ERGIC2: variants seen among roughly 807,000 people sequenced by gnomAD.
ERGIC2 encodes endoplasmic reticulum-Golgi intermediate compartment protein 2.
In ERGIC2, 31 loss-of-function variants were observed where a neutral mutation model predicts 52.5. The ratio of observed to expected loss-of-function variants is 0.59; its 90% confidence interval spans 0.44 to 0.80. The LOEUF is 0.80. ERGIC2 is among the 30% of genes least tolerant of loss of function. The pLI, the probability that ERGIC2 is intolerant of heterozygous loss-of-function variation, is 0.00. For missense variants in ERGIC2, 395 were observed against 455.2 expected, an observed-to-expected ratio of 0.87 and a Z score of 1.20; for synonymous variants, 129 against 140.6, an observed-to-expected ratio of 0.92 and a Z score of 0.58.
Position 29,341,819 on chromosome 12 carries a change from G to A in ERGIC2, c.989-3C>T. ...TTTTCCAATTCCATGTAACATGCCT[G>A]TAATAAACAATAAGTTTATGCTTTT... On this transcript the variant is annotated splice_region_variant and splice_polypyrimidine_tract_variant and intron_variant, in intron 12 of 13. Transcript: ENST00000360150. 7.0e-7 allele frequency: 1 copy of A among 1,431,758 alleles called. No individual in the cohort carries two copies. Among genetic ancestry groups the A allele is most frequent in the Non-Finnish European group, 9.9e-7 (1 of 1,014,826 alleles). 88.7% of individuals were successfully genotyped at this position (1,431,758 alleles called of 1,614,324 possible).
At position 29,337,425 on chromosome 12, in the gene ERGIC2, A is replaced by G. The variant is rs1949804354; in HGVS notation, c.*3731T>C. On this transcript the variant is annotated 3_prime_UTR_variant, in exon 14 of 14. Coordinates refer to ENST00000360150, the MANE Select transcript of ERGIC2 (RefSeq NM_016570.3). The stretch of plus-strand genomic sequence containing the variant: ...TAAATATTTTGTTTTTTCTCTCAAG[A>G]CAAAAAAAAAATCCAAGGCAGTCTG... 6.6e-6 allele frequency: 1 copy of G among 151,962 alleles called. No individual in the cohort carries two copies. Among genetic ancestry groups the G allele is most frequent in the African/African-American group, 2.4e-5 (1 of 41,412 alleles). 9.4% of individuals were successfully genotyped at this position (151,962 alleles called of 1,614,324 possible).
At chr12:29,376,436 C>T (rs1940515761) in intron 1 of ERGIC2, among the ~76,000 whole-genome samples, 1 of 152,128 alleles carries the variant, frequency 6.6e-6, no homozygotes, top group African/African-American at 2.4e-5. Flanking sequence ...GGAATTCATG[C>T]TCTGATGGCA....
chr12:29,368,093 A>T (rs1940389751), intron 4 of ERGIC2, 148 bp downstream of exon 4: 1 of 621,056 alleles, frequency 1.6e-6, no homozygotes, highest in Non-Finnish European at 2.9e-6. Flanking sequence ...TGAGGAGTAA[A>T]ACAATTTGTA....
rs1385716296 is a variant in ERGIC2 at position 29,337,481 on chromosome 12, T to C, written c.*3675A>G. 6.6e-6 allele frequency: 1 copy of C among 152,164 alleles called. No individual in the cohort carries two copies. The highest frequency in any genetic ancestry group is 1.5e-5 in the Non-Finnish European group (1 of 68,026). 9.4% of individuals were successfully genotyped at this position (152,164 alleles called of 1,614,324 possible). On this transcript the variant is annotated 3_prime_UTR_variant, in exon 14 of 14. Transcript: ENST00000360150. ...TCCTCTTAAATGTAAAGTGATTTCA[T>C]CAGTAATATTTCAGAAAGTAGAAAA...
chr12:29,349,511 T>C (rs1171442807), intron 9 of ERGIC2, among the ~76,000 whole-genome samples: 1 of 152,014 alleles, frequency 6.6e-6, no homozygotes, highest in Non-Finnish European at 1.5e-5. Flanking sequence ...ACGGTATTGT[T>C]AGAATTGGAA....
At chr12:29,358,414 A>G (rs908821742) in intron 6 of ERGIC2, among the ~76,000 whole-genome samples, 1 of 152,156 alleles carries the variant, frequency 6.6e-6, no homozygotes, top group Admixed American at 6.5e-5. Context: ...AGCACAGATA[A>G]TTTTTACAGC....
intron 11 of ERGIC2, among the ~76,000 whole-genome samples, chr12:29,343,816 T>C (rs944982950): frequency 1.4e-4 from 21 of 152,162 alleles, no homozygotes. Flanking sequence ...TCACTACCTA[T>C]AAGGGTAGAA....
chr12:29,340,334 C>T lies in ERGIC2; in HGVS notation c.*822G>A, dbSNP rs547396736. 1.3e-5 allele frequency: 2 copies of T among 152,274 alleles called. No homozygotes were observed. The highest frequency in any genetic ancestry group is 3.9e-4 in the East Asian group (2 of 5,184). The allele number at this position is 152,274 out of a possible 1,614,324, so 9.4% of individuals were successfully genotyped here. On this transcript the variant is annotated 3_prime_UTR_variant, in exon 14 of 14. Coordinates refer to ENST00000360150, the MANE Select transcript of ERGIC2 (RefSeq NM_016570.3). ...CAGTAGCGGATCTTTTTATAACTCA[C>T]CCTATGTTGCCCAAAATACACCAAT...
chr12:29,343,864 C>T (rs1285831773), intron 11 of ERGIC2, among the ~76,000 whole-genome samples: 1 of 152,100 alleles, frequency 6.6e-6, no homozygotes, highest in African/African-American at 2.4e-5. Flanking sequence ...TAATGAAAGA[C>T]TAATAATGAT....
intron 12 of ERGIC2, among the ~76,000 whole-genome samples, chr12:29,342,058 G>A (rs1949844034): frequency 6.6e-6 from 1 of 151,976 alleles, no homozygotes; most frequent in African/African-American, 2.4e-5. Flanking sequence ...TGTTGCCCAG[G>A]CTGGAGTGCA....
chr12:29,340,307 A>C lies in ERGIC2; in HGVS notation c.*849T>G, dbSNP rs1294993370. 2.0e-5 allele frequency: 3 copies of C among 152,166 alleles called. No homozygotes were observed. The highest frequency in any genetic ancestry group is 4.4e-5 in the Non-Finnish European group (3 of 68,022). The allele number at this position is 152,166 out of a possible 1,614,324, so 9.4% of individuals were successfully genotyped here. ...GTTTTACAAACCGGTAATTTTCACT[A>C]TCAGTAGCGGATCTTTTTATAACTC... On this transcript the variant is annotated 3_prime_UTR_variant, in exon 14 of 14. Coordinates refer to ENST00000360150, the MANE Select transcript of ERGIC2 (RefSeq NM_016570.3).
intron 3 of ERGIC2, among the ~76,000 whole-genome samples, chr12:29,369,098 T>C (rs1940403781): frequency 6.6e-6 from 1 of 151,950 alleles, no homozygotes; most frequent in Non-Finnish European, 1.5e-5. Context: ...TAGACCTTCA[T>C]GAAGTCTTAA....
At chr12:29,348,935 TTCTC>T in intron 10 of ERGIC2, 140 bp downstream of exon 10, 1 of 505,236 alleles carries the variant, frequency 2.0e-6, no homozygotes, top group East Asian at 3.6e-5. Context: ...CTAGGACAAA[TTCTC>T]TTCACATACA....
intron 5 of ERGIC2, among the ~76,000 whole-genome samples, chr12:29,366,257 C>T (rs969740415): frequency 2.0e-5 from 3 of 151,970 alleles, no homozygotes; most frequent in South Asian, 2.1e-4. Flanking sequence ...GATCATGACT[C>T]GTTATCACTG....
intron 8 of ERGIC2, among the ~76,000 whole-genome samples, chr12:29,353,813 T>C (rs1374759937): frequency 6.6e-6 from 1 of 151,886 alleles, no homozygotes; most frequent in Non-Finnish European, 1.5e-5. Flanking sequence ...AATTTAAAAA[T>C]CAAATTAAAT....
Position 29,356,449 on chromosome 12 carries a change from C to T in ERGIC2, c.505G>A (p.Ala169Thr), listed in dbSNP as rs1335121209. The stretch of plus-strand genomic sequence containing the variant: ...TATAGATGGCCATGAATTCTGCATG[C>T]ATTTGGAGACTGTGATGAATCATCT... Reference protein sequence around the residue: ...REDDSSQSPNACRIHGHLYVN... With the variant: ...REDDSSQSPNTCRIHGHLYVN... The change falls in exon 8 of 14, where the codon GCA (alanine) becomes ACA (threonine). Residue 169 changes from alanine to threonine, a missense_variant. By Grantham distance (58) the Ala-to-Thr change is moderately conservative. Transcript: ENST00000360150. The T allele has an allele frequency of 1.3e-6, 2 of 1,597,344 alleles. No homozygotes were observed. The highest frequency in any genetic ancestry group is 2.2e-5 in the East Asian group (1 of 44,740).
chr12:29,351,850 A>G (rs1565537926), intron 8 of ERGIC2, among the ~76,000 whole-genome samples: 1 of 152,126 alleles, frequency 6.6e-6, no homozygotes, highest in Non-Finnish European at 1.5e-5. Context: ...TTAATTTTCT[A>G]ATTTTTCTGA....
intron 5 of ERGIC2, among the ~76,000 whole-genome samples, chr12:29,365,339 G>C (rs760083577): frequency 3.9e-5 from 6 of 151,992 alleles, no homozygotes; most frequent in Non-Finnish European, 8.8e-5. Context: ...ATAATCCTAA[G>C]CAAATAAATG....
chr12:29,371,804 G>T (rs575661789), intron 1 of ERGIC2, 134 bp from the exon 2 acceptor site: 24 of 536,144 alleles, frequency 4.5e-5, no homozygotes, highest in Non-Finnish European at 6.9e-5. Flanking sequence ...AAAAAGCATA[G>T]TATTTATCCA....
Sources: allele counts gnomAD v4.1 joint callset (sites outside exome capture counted in the v4.1 genomes callset), GRCh38; gene constraint gnomAD v4.1.1; transcripts MANE v1.5; gene names NCBI Gene and HGNC (gene_info 2026-07-23, HGNC 2026-07-21).